MLLT3: variants seen among roughly 807,000 people sequenced by gnomAD.
MLLT3 encodes protein AF-9.
MLLT3 carries 4 observed loss-of-function variants against 53.2 expected under a neutral mutation model. The ratio of observed to expected loss-of-function variants is 0.08; its 90% CI spans 0.04 to 0.17. MLLT3 has a LOEUF of 0.17. Ranked by LOEUF, MLLT3 falls within the 10% of genes least tolerant of loss-of-function variation. The probability of loss-of-function intolerance (pLI) is 1.00; values close to 1 mark genes in which losing one functional copy is unlikely to be tolerated. For synonymous variants in MLLT3, 283 were observed against 230.6 expected (o/e 1.23, Z -2.06); for missense variants, 569 against 684.0 (o/e 0.83, Z 1.87).
chr9:20,348,778 G>C (rs746435207), intron 10 of MLLT3, among the ~76,000 whole-genome samples: 1 of 152,182 alleles, frequency 6.6e-6, no homozygotes, highest in Non-Finnish European at 1.5e-5. Context: ...ACACACATTT[G>C]TTTTATTAGT....
chr9:20,546,519 G>C (rs117776610), intron 2 of MLLT3, among the ~76,000 whole-genome samples: 170 of 149,858 alleles, frequency 1.1e-3, no homozygotes, highest in Non-Finnish European at 1.8e-3. Flanking sequence ...ACTCTGGTAT[G>C]GGCAACAGAG....
intron 2 of MLLT3, among the ~76,000 whole-genome samples, chr9:20,512,170 A>G (rs1403741070): frequency 6.6e-6 from 1 of 152,242 alleles, no homozygotes; most frequent in African/African-American, 2.4e-5. Context: ...CCTCCAAGAA[A>G]GGCTGCAATG....
intron 8 of MLLT3, among the ~76,000 whole-genome samples, chr9:20,359,145 C>CA (rs920197622): frequency 0.26 from 5,390 of 20,860 alleles, 1,171 homozygotes; most frequent in East Asian, 0.59. Context: ...AACTCCATCT[C>CA]AAAAAAAAAA....
chr9:20,503,543 T>C (rs1240723586), intron 2 of MLLT3, among the ~76,000 whole-genome samples: 1 of 151,978 alleles, frequency 6.6e-6, no homozygotes, highest in Non-Finnish European at 1.5e-5. Flanking sequence ...AAAAATCAAC[T>C]CAAAATGGAC....
Position 20,448,867 on chromosome 9 carries a change from T to C in MLLT3, c.277-601A>G, listed in dbSNP as rs1823773347. Among the ~76,000 whole-genome samples, 1 of 152,192 alleles carries C rather than the reference T, an allele frequency of 6.6e-6. No individual in the cohort carries two copies. Among genetic ancestry groups the C allele is most frequent in the Non-Finnish European group, 1.5e-5 (1 of 68,020 alleles). On this transcript the variant is annotated intron_variant, in intron 3 of 10. Transcript: ENST00000380338. This position sits in a 1 kb window ranked among gnomAD's most constrained non-coding sequence, Gnocchi z 4.0. ...GAATGTCACATAAGGGCCTTCATAATCTGGCTCTTGGCTTCATATTCCACC... is the reference window on the plus strand; with the variant it reads ...GAATGTCACATAAGGGCCTTCATAACCTGGCTCTTGGCTTCATATTCCACC...
At position 20,343,837 on chromosome 9, in the gene MLLT3, T is replaced by G. The variant is rs576940317; in HGVS notation, c.*2606A>C. The G allele has an allele frequency of 4.8e-6, 1 of 209,928 alleles. No individual in the cohort carries two copies. The highest frequency in any genetic ancestry group is 2.3e-5 in the African/African-American group (1 of 44,126). 13.0% of individuals were successfully genotyped at this position (209,928 alleles called of 1,614,324 possible). A position where few individuals can be genotyped will look rare whatever the true frequency, so the allele number is the denominator to read the frequency against. The stretch of plus-strand genomic sequence containing the variant: ...AAGATATTCTTAATAGGCTTCAAAG[T>G]TGGGTGTATATAAATGTGACAGAAC... On this transcript the variant is annotated 3_prime_UTR_variant, in exon 11 of 11. Transcript: ENST00000380338.
intron 5 of MLLT3, among the ~76,000 whole-genome samples, chr9:20,372,448 A>C (rs186700575): frequency 6.6e-6 from 1 of 151,296 alleles, no homozygotes; most frequent in East Asian, 2.0e-4. Context: ...CAAAGGCTGG[A>C]GTGCAGTGGC....
At chr9:20,603,610 T>G (rs929018574) in intron 2 of MLLT3, among the ~76,000 whole-genome samples, 13 of 152,076 alleles carry the variant, frequency 8.5e-5, no homozygotes, top group African/African-American at 3.1e-4. Flanking sequence ...ACACTTCTTT[T>G]TATCAGGACT....
chr9:20,375,414 A>C (rs2118680665), intron 5 of MLLT3, among the ~76,000 whole-genome samples: 1 of 152,282 alleles, frequency 6.6e-6, no homozygotes, highest in African/African-American at 2.4e-5. Flanking sequence ...TCACTGCAGA[A>C]GATGTAAGGA....
chr9:20,389,369 G>A (rs112625601), intron 5 of MLLT3, among the ~76,000 whole-genome samples: 5 of 152,304 alleles, frequency 3.3e-5, no homozygotes, highest in African/African-American at 1.2e-4. Context: ...TAGGGCTAGG[G>A]GAGATAAGAG....
intron 2 of MLLT3, among the ~76,000 whole-genome samples, chr9:20,576,270 A>G (rs1422829864): frequency 6.6e-6 from 1 of 152,178 alleles, no homozygotes; most frequent in African/African-American, 2.4e-5. Context: ...TTGATCTTCT[A>G]TCCAGACCAC....
In MLLT3 at chr9:20,509,964, A is replaced by G. The variant is rs1354574226; in HGVS notation, c.194-53178T>C. 3.3e-5 allele frequency among the ~76,000 whole-genome samples: 5 copies of G among 152,140 alleles called. 1 individual carries two copies. The highest frequency in any genetic ancestry group is 2.0e-4 in the Admixed American group (3 of 15,268). Reference sequence around the variant, plus strand: ...GCTCAGGTTCTTCATAAAGATGAGAATATCAACATTACCTTAGCTGAATTA... The same window carrying G: ...GCTCAGGTTCTTCATAAAGATGAGAGTATCAACATTACCTTAGCTGAATTA... On this transcript the variant is annotated intron_variant, in intron 2 of 10. Transcript: ENST00000380338.
chr9:20,517,679 A>G (rs993243811), intron 2 of MLLT3, among the ~76,000 whole-genome samples: 2 of 152,004 alleles, frequency 1.3e-5, no homozygotes, highest in Non-Finnish European at 2.9e-5. Context: ...TCTACTAAAA[A>G]TACAAAATAA....
At chr9:20,585,232 C>T (rs1301311172) in intron 2 of MLLT3, among the ~76,000 whole-genome samples, 1 of 152,076 alleles carries the variant, frequency 6.6e-6, no homozygotes, top group Admixed American at 6.6e-5. Flanking sequence ...CTCAAACAAC[C>T]GGGGGGCAGG....
At chr9:20,558,836 T>A (rs375741575) in intron 2 of MLLT3, among the ~76,000 whole-genome samples, 1 of 152,354 alleles carries the variant, frequency 6.6e-6, no homozygotes, top group Middle Eastern at 3.4e-3. Context: ...AAGCTCTGTT[T>A]CCACAAGACT....
At chr9:20,369,568 C>T (rs1821542138) in intron 5 of MLLT3, among the ~76,000 whole-genome samples, 1 of 152,162 alleles carries the variant, frequency 6.6e-6, no homozygotes, top group Non-Finnish European at 1.5e-5. Context: ...ACAGAATTCA[C>T]CTGTTAACTG....
chr9:20,524,546 C>A (rs1445062870), intron 2 of MLLT3, among the ~76,000 whole-genome samples: 1 of 152,060 alleles, frequency 6.6e-6, no homozygotes, highest in African/African-American at 2.4e-5. Flanking sequence ...ATGACAGGCT[C>A]TCGGGCTCTC....
At chr9:20,537,344 C>T (rs6475457) in intron 2 of MLLT3, among the ~76,000 whole-genome samples, 75,748 of 151,968 alleles carry the variant, frequency 0.5, 19,239 homozygotes, top group East Asian at 0.65. Flanking sequence ...TAATCTGTTA[C>T]GGAAATGTAC....
At chr9:20,485,536 T>A (rs1038182831) in intron 2 of MLLT3, among the ~76,000 whole-genome samples, 1 of 152,204 alleles carries the variant, frequency 6.6e-6, no homozygotes, top group African/African-American at 2.4e-5. Context: ...ATAATATCAC[T>A]ACACTTGTTT....
Sources: allele counts gnomAD v4.1 joint callset (sites outside exome capture counted in the v4.1 genomes callset), GRCh38; gene constraint gnomAD v4.1.1; non-coding constraint Gnocchi (gnomAD v3.1); transcripts MANE v1.5; gene names NCBI Gene and HGNC (gene_info 2026-07-23, HGNC 2026-07-21).